Variants in SEMA4B observed in about 807,000 individuals in gnomAD.
SEMA4B encodes the protein semaphorin 4B.
In SEMA4B, 55 loss-of-function variants were observed where a neutral mutation model predicts 88.1. The observed-to-expected ratio is 0.62, with a 90% CI of 0.50 to 0.78. The LOEUF is 0.78. SEMA4B is among the 30% of genes least tolerant of loss of function. The pLI, the probability that SEMA4B is intolerant of heterozygous loss-of-function variation, is 0.00. For missense variants in SEMA4B, 1,062 were observed against 1,111.9 expected (o/e 0.96, Z 0.64); for synonymous variants, 525 against 473.6 (o/e 1.11, Z -1.41).
At chr15:90,226,443 C>T (rs867780511) in intron 12 of SEMA4B, among the ~76,000 whole-genome samples, 7 of 152,142 alleles carry the variant, frequency 4.6e-5, no homozygotes, top group South Asian at 2.1e-4. Flanking sequence ...TGGGTTCAAG[C>T]GATTCTCCTG....
At chr15:90,193,479 G>T (rs1201399079) in intron 1 of SEMA4B, 1 of 152,276 alleles carries the variant, frequency 6.6e-6, no homozygotes, top group Non-Finnish European at 1.5e-5. Context: ...GGATTTGGAA[G>T]ATGGAAGTCC....
intron 1 of SEMA4B, among the ~76,000 whole-genome samples, chr15:90,208,302 A>G (rs976670315): frequency 6.6e-6 from 1 of 152,190 alleles, no homozygotes; most frequent in African/African-American, 2.4e-5. Context: ...TGATATTTAA[A>G]ACTTAGGAAA....
chr15:90,209,777 G>A (rs1398679870), intron 1 of SEMA4B, among the ~76,000 whole-genome samples: 1 of 152,192 alleles, frequency 6.6e-6, no homozygotes, highest in Non-Finnish European at 1.5e-5. Context: ...ATGAGTGTGA[G>A]TTAGTCAAAA....
At chr15:90,221,191 A>G in intron 5 of SEMA4B, 98 bp downstream of exon 5, 1 of 1,128,962 alleles carries the variant, frequency 8.9e-7, no homozygotes, top group Non-Finnish European at 1.3e-6. Context: ...TGCCATGCTT[A>G]TTTCCAAGGG....
At chr15:90,226,840 G>A (rs116030605) in intron 12 of SEMA4B, among the ~76,000 whole-genome samples, 1,792 of 151,850 alleles carry the variant, frequency 0.012, 36 homozygotes, top group African/African-American at 0.041. Flanking sequence ...TTCATCCTTC[G>A]TGCCTGGTTG....
At chr15:90,205,800 A>C (rs1960958797) in intron 1 of SEMA4B, among the ~76,000 whole-genome samples, 1 of 152,222 alleles carries the variant, frequency 6.6e-6, no homozygotes, top group African/African-American at 2.4e-5. Context: ...CTGGTAGAAA[A>C]GACAAAGCAA....
intron 1 of SEMA4B, among the ~76,000 whole-genome samples, chr15:90,194,597 T>C (rs372542130): frequency 2.0e-5 from 3 of 152,194 alleles, no homozygotes; most frequent in Admixed American, 1.3e-4. Context: ...TGGCGTGCCA[T>C]TGGGCTCCGT....
In SEMA4B at chr15:90,219,898, G is replaced by T; in HGVS notation, c.483+7G>T. The T allele has an allele frequency of 1.2e-6, 2 of 1,602,676 alleles. No individual in the cohort carries two copies. The highest frequency in any genetic ancestry group is 1.7e-6 in the Non-Finnish European group (2 of 1,171,700). On this transcript the variant is annotated splice_region_variant and intron_variant, in intron 4 of 13. Coordinates refer to ENST00000411539, the MANE Select transcript of SEMA4B (RefSeq NM_198925.4). ...CCCCATGTGTACCTACATCGTGAGT[G>T]ACCTGTCCTCAGCCCTGAGGCTGAC... is the stretch of plus-strand genomic sequence containing the variant.
intron 4 of SEMA4B, 48 bp from the exon 5 acceptor site, chr15:90,220,934 C>T (rs1301316170): frequency 3.2e-6 from 4 of 1,261,104 alleles, no homozygotes; most frequent in South Asian, 2.6e-5. Flanking sequence ...CAAGCCTGCT[C>T]CTCATTCCCT....
chr15:90,192,620 T>G (rs1027453608), intron 1 of SEMA4B, among the ~76,000 whole-genome samples: 3 of 146,104 alleles, frequency 2.1e-5, no homozygotes, highest in Non-Finnish European at 4.5e-5. Context: ...GATGGAATCT[T>G]GCTCTTGTCA....
At chr15:90,213,434 C>T (rs1012577102) in intron 1 of SEMA4B, among the ~76,000 whole-genome samples, 1 of 152,262 alleles carries the variant, frequency 6.6e-6, no homozygotes, top group African/African-American at 2.4e-5. Context: ...CTTTCTGTCC[C>T]TTTGTCGTTT....
At chr15:90,225,548 G>C (rs1962118943) in intron 11 of SEMA4B, 113 bp from the exon 12 acceptor site, 1 of 1,345,566 alleles carries the variant, frequency 7.4e-7, no homozygotes, top group South Asian at 1.3e-5. Flanking sequence ...GGGGTCGCCT[G>C]TTACGTAACA....
chr15:90,209,411 A>G (rs1475869308), intron 1 of SEMA4B, among the ~76,000 whole-genome samples: 3 of 151,998 alleles, frequency 2.0e-5, no homozygotes, highest in African/African-American at 4.8e-5. Context: ...ATATATATAC[A>G]AAAATTAGCC....
At chr15:90,201,766 G>A (rs1261867511) in intron 1 of SEMA4B, 31 bp downstream of exon 1, 1 of 1,382,224 alleles carries the variant, frequency 7.2e-7, no homozygotes, top group Non-Finnish European at 9.3e-7. Flanking sequence ...GACGCGGGCC[G>A]GGGGAAGGAA....
Position 90,228,172 on chromosome 15 carries a change from C to T in SEMA4B, c.2043C>T (p.Asp681=). The part of the protein sequence containing the change: ...CPEVVEDGVA[D]QTDEGGSVPV... ...AGGTGGTGGAGGACGGGGTGGCAGA[C>T]CAAACAGATGAGGGTGGCAGTGTAC... The change falls in exon 14 of 14, where the codon GAC becomes GAT. Residue 681 remains aspartate, a synonymous_variant. Transcript: ENST00000411539. 6.2e-7 allele frequency: 1 copy of T among 1,610,378 alleles called. No individual in the cohort carries two copies. Among genetic ancestry groups the T allele is most frequent in the South Asian group, 1.1e-5 (1 of 90,434 alleles).
intron 1 of SEMA4B, among the ~76,000 whole-genome samples, chr15:90,205,444 C>T (rs1284656081): frequency 6.6e-6 from 1 of 152,254 alleles, no homozygotes; most frequent in Non-Finnish European, 1.5e-5. Context: ...GCTCTAACTG[C>T]GGATGCTCAG....
chr15:90,185,732 T>TCTG (rs1960145204), intron 1 of SEMA4B, among the ~76,000 whole-genome samples: 1 of 152,116 alleles, frequency 6.6e-6, no homozygotes, highest in East Asian at 1.9e-4. Context: ...GCGGGAAGCA[T>TCTG]ACAAACTTTT....
chr15:90,189,130 G>C (rs771831311), intron 1 of SEMA4B, among the ~76,000 whole-genome samples: 1 of 151,740 alleles, frequency 6.6e-6, no homozygotes, highest in Non-Finnish European at 1.5e-5. Context: ...GTGGGGGGGA[G>C]GAAGGAAAAG....
chr15:90,201,571 C>T lies in SEMA4B; in HGVS notation c.-8C>T. 3 of 1,486,476 alleles carry T rather than the reference C, an allele frequency of 2.0e-6. No homozygotes were observed. In the South Asian group the frequency reaches 3.8e-5, roughly 19 times the overall value. 92.1% of individuals were successfully genotyped at this position (1,486,476 alleles called of 1,614,324 possible). ...GAGCCGCGGGACACCGTCGCTCCTG[C>T]TCTCCGAATGCTGCGCACCGCGATG... On this transcript the variant is annotated 5_prime_UTR_variant, in exon 1 of 14. Coordinates refer to ENST00000411539, the MANE Select transcript of SEMA4B (RefSeq NM_198925.4).
Sources: allele counts gnomAD v4.1 joint callset (sites outside exome capture counted in the v4.1 genomes callset), GRCh38; gene constraint gnomAD v4.1.1; transcripts MANE v1.5; gene names NCBI Gene and HGNC (gene_info 2026-07-23, HGNC 2026-07-21).